PHC2: variants seen among roughly 807,000 people sequenced by gnomAD.
The protein encoded by PHC2 is polyhomeotic homolog 2, also known as polyhomeotic-like protein 2.
In PHC2, 29 loss-of-function variants were observed where a neutral mutation model predicts 87.4. The ratio of observed to expected loss-of-function variants is 0.33; its 90% confidence interval spans 0.25 to 0.45. The LOEUF is 0.45. PHC2 is among the 20% of genes least tolerant of loss of function. PHC2 has a pLI of 1.00. For synonymous variants in PHC2, 438 were observed against 461.7 expected, an observed-to-expected ratio of 0.95 and a Z score of 0.66; for missense variants, 857 against 1,136.7, an observed-to-expected ratio of 0.75 and a Z score of 3.54.
intron 3 of PHC2, 119 bp from the exon 4 acceptor site, chr1:33,371,213 A>T: frequency 1.3e-6 from 1 of 788,024 alleles, no homozygotes; most frequent in Non-Finnish European, 2.2e-6. Flanking sequence ...TCTGGAGGTC[A>T]GCCCCCAACC....
At chr1:33,417,476 C>T (rs571511524) in intron 1 of PHC2, among the ~76,000 whole-genome samples, 1 of 151,850 alleles carries the variant, frequency 6.6e-6, no homozygotes, top group African/African-American at 2.4e-5. Context: ...AAGAAAGCTG[C>T]AATGATTATA....
At chr1:33,387,909 G>C (rs975199087) in intron 1 of PHC2, among the ~76,000 whole-genome samples, 4 of 152,162 alleles carry the variant, frequency 2.6e-5, no homozygotes, top group African/African-American at 9.7e-5. Context: ...CTCAGGCCCT[G>C]CCTGGTATCC....
At chr1:33,351,764 T>C (rs1035341344) in intron 9 of PHC2, among the ~76,000 whole-genome samples, 1 of 151,930 alleles carries the variant, frequency 6.6e-6, no homozygotes, top group African/African-American at 2.4e-5. Flanking sequence ...CCAGCCTGGC[T>C]AACATGGCGA....
intron 1 of PHC2, among the ~76,000 whole-genome samples, chr1:33,394,808 G>A (rs1264020284): frequency 6.6e-6 from 1 of 152,130 alleles, no homozygotes; most frequent in Admixed American, 6.5e-5. Flanking sequence ...GGGTTCAAGT[G>A]ATCCTTCTGC....
chr1:33,394,076 T>C (rs1412103152), intron 1 of PHC2, among the ~76,000 whole-genome samples: 2 of 152,222 alleles, frequency 1.3e-5, no homozygotes, highest in East Asian at 3.8e-4. Flanking sequence ...TCCTGTCCTA[T>C]AATAAATTTC....
At chr1:33,363,894 C>T (rs1486474554) in intron 7 of PHC2, 2 of 985,198 alleles carry the variant, frequency 2.0e-6, no homozygotes, top group Admixed American at 1.2e-4. Flanking sequence ...CTCTTCTGCC[C>T]TCCATTGCTC....
intron 1 of PHC2, among the ~76,000 whole-genome samples, chr1:33,375,972 C>G (rs1570498039): frequency 6.6e-6 from 1 of 152,168 alleles, no homozygotes; most frequent in Admixed American, 6.5e-5. Context: ...TCAGTGGATA[C>G]CAGGTGACGA....
At chr1:33,404,561 T>C (rs1047120366) in intron 1 of PHC2, among the ~76,000 whole-genome samples, 1 of 152,216 alleles carries the variant, frequency 6.6e-6, no homozygotes, top group Non-Finnish European at 1.5e-5. Flanking sequence ...GGGTCTTAAA[T>C]TGTTTCTGAT....
intron 7 of PHC2, among the ~76,000 whole-genome samples, chr1:33,362,394 A>G (rs115933821): frequency 0.027 from 4,105 of 152,268 alleles, 204 homozygotes; most frequent in African/African-American, 0.092. Context: ...AGGAAGATGC[A>G]TGGTTTTTGT....
At chr1:33,356,249 T>TTATATATATATATATATATATATGTA (rs1647069140) in intron 7 of PHC2, among the ~76,000 whole-genome samples, 1 of 101,542 alleles carries the variant, frequency 9.8e-6, no homozygotes, top group Non-Finnish European at 2.2e-5. Context: ...GTGAAAATTC[T>TTATATATATATATATATATATATGTA]TATATATATA....
In PHC2 at chr1:33,332,519, C is replaced by G; in HGVS notation, c.1762-115G>C. ...TCCAGGCACAGAGGCCAGCCCTCCT[C>G]AAACCTTCCCCCATGTCATCATCCA... On this transcript the variant is annotated intron_variant, in intron 10 of 14. Coordinates refer to ENST00000683057, the MANE Select transcript of PHC2 (RefSeq NM_001385109.1). The surrounding 1 kb of genome is among the most constrained non-coding windows in gnomAD (Gnocchi z 4.2). The G allele has an allele frequency of 1.6e-6, 2 of 1,235,592 alleles. No individual in the cohort carries two copies. The highest frequency in any genetic ancestry group is 1.5e-5 in the African/African-American group (1 of 67,322). The allele number at this position is 1,235,592 out of a possible 1,614,324, so 76.5% of individuals were successfully genotyped here.
chr1:33,371,146 T>C (rs1647806206), intron 3 of PHC2, 52 bp from the exon 4 acceptor site: 1 of 1,424,806 alleles, frequency 7.0e-7, no homozygotes, highest in Non-Finnish European at 9.9e-7. Context: ...CCCCAGTCAC[T>C]CCTGGGCTCT....
Position 33,375,510 on chromosome 1 carries a change from T to A in PHC2, c.30A>T (p.Thr10=). 2 of 1,601,244 alleles carry A rather than the reference T, an allele frequency of 1.2e-6. No homozygotes were observed. Among genetic ancestry groups the A allele is most frequent in the Non-Finnish European group, 1.7e-6 (2 of 1,173,498 alleles). The stretch of plus-strand genomic sequence containing the variant: ...TGCTGGTGGCACAGGCACTGCTAGA[T>A]GTATGTGGGACTGGCAGCTCATTCT... MENELPVPH[T]SSSACATSST... The change falls in exon 2 of 15, where the codon ACA becomes ACT. Residue 10 remains threonine, a synonymous_variant. Transcript: ENST00000683057.
chr1:33,354,795 G>A lies in PHC2; in HGVS notation c.1392+43C>T, dbSNP rs200059778. On this transcript the variant is annotated intron_variant, in intron 8 of 14. Coordinates refer to ENST00000683057, the MANE Select transcript of PHC2 (RefSeq NM_001385109.1). ...GGGCTGTGGGGTCGTCCGAGCTGTG[G>A]CCACCCCGTGTGCTCCCTGGACCTT... 1.8e-5 allele frequency: 29 copies of A among 1,584,620 alleles called. 1 individual carries two copies. In the Middle Eastern group the frequency reaches 7.2e-4, roughly 39 times the overall value.
At chr1:33,346,118 T>A (rs1263743977) in intron 9 of PHC2, 2 of 985,276 alleles carry the variant, frequency 2.0e-6, no homozygotes, top group Non-Finnish European at 2.4e-6. Context: ...AAACAAGGTG[T>A]TAAGTCCCCA....
At chr1:33,379,439 C>T (rs1311746577) in intron 1 of PHC2, among the ~76,000 whole-genome samples, 1 of 30,752 alleles carries the variant, frequency 3.3e-5, no homozygotes, top group African/African-American at 1.4e-4. Flanking sequence ...CCCCTGTCCC[C>T]CCACCATCCC....
At position 33,368,034 on chromosome 1, in the gene PHC2, A is replaced by G. The variant is rs1286928046; in HGVS notation, c.663+502T>C. Among the ~76,000 whole-genome samples, 1 of 152,208 alleles carries G rather than the reference A, an allele frequency of 6.6e-6. No homozygotes were observed. Among genetic ancestry groups the G allele is most frequent in the African/African-American group, 2.4e-5 (1 of 41,540 alleles). The stretch of plus-strand genomic sequence containing the variant: ...CACCCTCCCCATTCCGTAGATGAGG[A>G]TGGGGAGATGCGAGTGCTAGGGGTT... On this transcript the variant is annotated intron_variant, in intron 6 of 14. Transcript: ENST00000683057. This position sits in a 1 kb window ranked among gnomAD's most constrained non-coding sequence, Gnocchi z 6.6.
At chr1:33,430,133 G>A (rs2148414850) in intron 1 of PHC2, among the ~76,000 whole-genome samples, 1 of 152,104 alleles carries the variant, frequency 6.6e-6, no homozygotes, top group East Asian at 1.9e-4. Context: ...GGGGAGGGGG[G>A]AAGATGAATT....
chr1:33,353,697 G>A (rs996199634), intron 9 of PHC2, among the ~76,000 whole-genome samples: 3 of 152,170 alleles, frequency 2.0e-5, no homozygotes, highest in African/African-American at 4.8e-5. Flanking sequence ...CTGAGTTGCA[G>A]GTGGTCCATG....
Sources: gnomAD v4.1 joint callset for allele counts (sites outside exome capture counted in the v4.1 genomes callset) on GRCh38, gnomAD v4.1.1 for gene constraint, Gnocchi (gnomAD v3.1) non-coding constraint, MANE v1.5 for transcripts, NCBI Gene and HGNC (gene_info 2026-07-23, HGNC 2026-07-21) for gene names.